MARCHF1: variants seen among roughly 807,000 people sequenced by gnomAD.
The protein encoded by MARCHF1 is membrane associated ring-CH-type finger 1, also known as E3 ubiquitin-protein ligase MARCHF1.
In MARCHF1, 40 loss-of-function variants were observed where a neutral mutation model predicts 54.2. That is an observed-to-expected ratio of 0.74 (90% CI 0.57 to 0.96). The LOEUF (loss-of-function observed/expected upper bound fraction) is 0.96, where lower values mean the gene tolerates loss of function less well. Among genes scored for constraint, MARCHF1 ranks in the 40% least tolerant of loss-of-function variants. The pLI is 0.00. For synonymous variants in MARCHF1, 236 were observed against 236.3 expected (o/e 1.00, Z 0.01); for missense variants, 586 against 656.5 (o/e 0.89, Z 1.17).
chr4:163,794,024 A>G (rs139621292), intron 4 of MARCHF1, among the ~76,000 whole-genome samples: 7 of 152,338 alleles, frequency 4.6e-5, no homozygotes, highest in Admixed American at 1.3e-4. Flanking sequence ...GTTCAGTATT[A>G]TATTTTCTTT....
chr4:163,555,658 C>T (rs1394334223), intron 8 of MARCHF1, among the ~76,000 whole-genome samples: 1 of 151,884 alleles, frequency 6.6e-6, no homozygotes, highest in Non-Finnish European at 1.5e-5. Context: ...GAGCTGTGTC[C>T]ATGAGGATAC....
At chr4:164,189,474 A>G in intron 1 of MARCHF1, 2 of 713,928 alleles carry the variant, frequency 2.8e-6, no homozygotes, top group Non-Finnish European at 5.1e-6. Flanking sequence ...GCTCTACTCG[A>G]ATTCCAAAGA....
intron 3 of MARCHF1, among the ~76,000 whole-genome samples, chr4:163,965,454 G>A (rs1170823400): frequency 6.6e-6 from 1 of 151,954 alleles, no homozygotes; most frequent in Non-Finnish European, 1.5e-5. Context: ...ATAAGACAGA[G>A]AATAAGTGTA....
At chr4:164,139,489 A>C (rs1163227608) in intron 1 of MARCHF1, among the ~76,000 whole-genome samples, 1 of 138,980 alleles carries the variant, frequency 7.2e-6, no homozygotes, top group East Asian at 2.1e-4. Context: ...AGCTATCTAA[A>C]GTCAAAAAAA....
At chr4:163,780,758 T>C (rs1205093409) in intron 4 of MARCHF1, among the ~76,000 whole-genome samples, 1 of 152,240 alleles carries the variant, frequency 6.6e-6, no homozygotes, top group Non-Finnish European at 1.5e-5. Context: ...CTTCTTCTAA[T>C]AGCAGAACCA....
intron 3 of MARCHF1, among the ~76,000 whole-genome samples, chr4:163,935,055 T>C (rs1382502726): frequency 6.6e-6 from 1 of 152,114 alleles, no homozygotes; most frequent in South Asian, 2.1e-4. Flanking sequence ...AGAATCGGTG[T>C]TGTGTTAACA....
At chr4:163,892,692 T>C (rs6845025) in intron 3 of MARCHF1, among the ~76,000 whole-genome samples, 1 of 152,056 alleles carries the variant, frequency 6.6e-6, no homozygotes, top group African/African-American at 2.4e-5. Context: ...AATTTATGTA[T>C]TTATGTTTGC....
intron 4 of MARCHF1, among the ~76,000 whole-genome samples, chr4:163,816,940 G>A (rs1480344104): frequency 6.6e-6 from 1 of 151,836 alleles, no homozygotes; most frequent in Non-Finnish European, 1.5e-5. Flanking sequence ...TTTTACAAAT[G>A]AGGAAAATGA....
At chr4:164,294,783 CA>C (rs1012914088) in intron 1 of MARCHF1, among the ~76,000 whole-genome samples, 1 of 152,056 alleles carries the variant, frequency 6.6e-6, no homozygotes, top group African/African-American at 2.4e-5. Flanking sequence ...AAATTACAAA[CA>C]AGTAGGGAAG....
chr4:164,161,616 T>C (rs937476610), intron 1 of MARCHF1, among the ~76,000 whole-genome samples: 3 of 152,206 alleles, frequency 2.0e-5, no homozygotes, highest in Admixed American at 6.6e-5. Flanking sequence ...AAGGGAGCAT[T>C]GATGACAACT....
intron 2 of MARCHF1, among the ~76,000 whole-genome samples, chr4:164,026,960 C>G (rs1412539531): frequency 6.6e-6 from 1 of 151,852 alleles, no homozygotes; most frequent in Non-Finnish European, 1.5e-5. Context: ...AGCTGAGAGT[C>G]AAATCAATAA....
chr4:164,176,261 A>T (rs1427853907), intron 1 of MARCHF1, among the ~76,000 whole-genome samples: 2 of 152,168 alleles, frequency 1.3e-5, no homozygotes, highest in African/African-American at 4.8e-5. Context: ...AGATGTAATC[A>T]TTTTATACTT....
chr4:163,916,850 T>A (rs1002763082), intron 3 of MARCHF1, among the ~76,000 whole-genome samples: 1 of 152,076 alleles, frequency 6.6e-6, no homozygotes, highest in Admixed American at 6.6e-5. Flanking sequence ...CACTGACACA[T>A]CATTATTACC....
intron 8 of MARCHF1, among the ~76,000 whole-genome samples, chr4:163,579,697 TTG>T (rs1740157559): frequency 6.6e-6 from 1 of 152,198 alleles, no homozygotes; most frequent in Non-Finnish European, 1.5e-5. Flanking sequence ...GCATTGTGAA[TTG>T]TGAGTATGAA....
chr4:163,724,716 C>T (rs2111303962), intron 4 of MARCHF1, among the ~76,000 whole-genome samples: 1 of 152,262 alleles, frequency 6.6e-6, no homozygotes. Flanking sequence ...GGTGGGCGCC[C>T]CTCCCTCAGC....
chr4:164,105,305 C>G (rs1270306123), intron 2 of MARCHF1, among the ~76,000 whole-genome samples: 4 of 135,166 alleles, frequency 3.0e-5, no homozygotes, highest in African/African-American at 8.2e-5. Context: ...CCTGCATTGC[C>G]AAGTCAATCC....
intron 8 of MARCHF1, among the ~76,000 whole-genome samples, chr4:163,575,661 G>A (rs1740011709): frequency 6.6e-6 from 1 of 151,748 alleles, no homozygotes; most frequent in Admixed American, 6.6e-5. Flanking sequence ...TAATTTAGCT[G>A]TAAATCCATC....
chr4:164,270,352 C>G (rs532867855), intron 1 of MARCHF1, among the ~76,000 whole-genome samples: 1 of 152,204 alleles, frequency 6.6e-6, no homozygotes, highest in African/African-American at 2.4e-5. Flanking sequence ...AAATTACAGA[C>G]TTCACTCCCA....
intron 2 of MARCHF1, among the ~76,000 whole-genome samples, chr4:164,042,678 C>T (rs1488299806): frequency 6.6e-6 from 1 of 152,172 alleles, no homozygotes; most frequent in Non-Finnish European, 1.5e-5. Context: ...AGCAGTCCCC[C>T]AGTCTTAATT....
Sources: allele counts gnomAD v4.1 joint callset (sites outside exome capture counted in the v4.1 genomes callset), GRCh38; gene constraint gnomAD v4.1.1; transcripts MANE v1.5; gene names NCBI Gene and HGNC (gene_info 2026-07-23, HGNC 2026-07-21).